The following EXD2 variants were observed in gnomAD, a reference collection of about 807,000 sequenced individuals.
EXD2 encodes exonuclease 3'-5' domain containing 2.
A neutral mutation model predicts 62.5 loss-of-function variants in EXD2; 40 were observed. That is an observed-to-expected ratio of 0.64 (90% CI 0.50 to 0.83). The LOEUF is 0.83. EXD2 is among the 40% of genes least tolerant of loss of function. The pLI is 0.00. For missense variants in EXD2, 671 were observed against 761.8 expected (o/e 0.88, Z 1.40); for synonymous variants, 239 against 291.9 (o/e 0.82, Z 1.85).
At chr14:69,230,429 C>T in intron 4 of EXD2, 43 bp from the exon 5 acceptor site, 1 of 1,443,222 alleles carries the variant, frequency 6.9e-7, no homozygotes, top group South Asian at 1.3e-5. Context: ...TTGTCCATGT[C>T]CTTTGCCCGT....
rs1366348606 is a variant in EXD2, at chr14:69,236,550, C to T, written c.1292+8C>T. On this transcript the variant is annotated splice_region_variant and intron_variant, in intron 8 of 9. Coordinates refer to ENST00000685843, the MANE Select transcript of EXD2 (RefSeq NM_001193360.2). ...GAGAGACTCCTACATTCGGTGAGTG[C>T]AGCATTGGGCCACCCTGGTTGTCTG... The T allele has an allele frequency of 9.3e-6, 15 of 1,614,000 alleles. No homozygotes were observed. Among genetic ancestry groups the T allele is most frequent in the Non-Finnish European group, 1.3e-5 (15 of 1,180,008 alleles).
At chr14:69,219,111 T>C (rs1488800530) in intron 3 of EXD2, among the ~76,000 whole-genome samples, 9 of 152,372 alleles carry the variant, frequency 5.9e-5, no homozygotes, top group African/African-American at 2.2e-4. Context: ...TATGGCCATT[T>C]TCACGATATT....
At chr14:69,216,619 A>T (rs2042995450) in intron 3 of EXD2, among the ~76,000 whole-genome samples, 1 of 152,008 alleles carries the variant, frequency 6.6e-6, no homozygotes, top group African/African-American at 2.4e-5. Context: ...TTTTAGAATC[A>T]ATTTTCAGGT....
intron 3 of EXD2, among the ~76,000 whole-genome samples, chr14:69,225,406 T>C (rs2043323862): frequency 1.3e-5 from 2 of 152,232 alleles, no homozygotes; most frequent in African/African-American, 4.8e-5. Context: ...AGGAGGACTC[T>C]AACCCATTGT....
At chr14:69,193,662 T>C (rs965610000) in intron 1 of EXD2, among the ~76,000 whole-genome samples, 7 of 152,262 alleles carry the variant, frequency 4.6e-5, no homozygotes, top group Non-Finnish European at 1.0e-4. Flanking sequence ...TTGTTGCTTG[T>C]CTTTTAACTA....
At chr14:69,218,818 A>C (rs562071265) in intron 3 of EXD2, among the ~76,000 whole-genome samples, 67 of 152,240 alleles carry the variant, frequency 4.4e-4, no homozygotes, top group African/African-American at 1.6e-3. Flanking sequence ...AGATGGTTGT[A>C]GATGTGTGGT....
chr14:69,220,793 C>T (rs1306276620), intron 3 of EXD2, among the ~76,000 whole-genome samples: 7 of 151,890 alleles, frequency 4.6e-5, no homozygotes, highest in East Asian at 3.9e-4. Flanking sequence ...CGCTTGAAAC[C>T]GGAAGGCAGA....
At chr14:69,235,998 A>C in intron 6 of EXD2, 48 bp from the exon 7 acceptor site, 1 of 1,410,190 alleles carries the variant, frequency 7.1e-7, no homozygotes, top group Non-Finnish European at 1.0e-6. Context: ...AGACATTTTG[A>C]CCCACAGTTA....
intron 3 of EXD2, among the ~76,000 whole-genome samples, chr14:69,216,229 G>A (rs1278572256): frequency 6.6e-6 from 1 of 152,118 alleles, no homozygotes; most frequent in Non-Finnish European, 1.5e-5. Context: ...TGATTGCTCT[G>A]CAATGCCACT....
Position 69,228,813 on chromosome 14 carries a change from C to T in EXD2, c.334-3C>T, listed in dbSNP as rs2043463643. The T allele has an allele frequency of 6.2e-7, 1 of 1,609,416 alleles. No homozygotes were observed. The highest frequency in any genetic ancestry group is 8.5e-7 in the Non-Finnish European group (1 of 1,177,816). On this transcript the variant is annotated splice_polypyrimidine_tract_variant and splice_region_variant and intron_variant, in intron 3 of 9. Coordinates refer to ENST00000685843, the MANE Select transcript of EXD2 (RefSeq NM_001193360.2). The stretch of plus-strand genomic sequence containing the variant: ...ACCACAACCTTGTCTTCCTCTGTTG[C>T]AGGTAAATTTGGAAGGCAAAGCCAG...
chr14:69,241,226 G>T lies in EXD2; in HGVS notation c.*126G>T. Reference sequence around the variant, plus strand: ...TGACACAACTCAGAATACTAACCTAGACTAATCCCAGGATGCTTCTGCTGG... The same window carrying T: ...TGACACAACTCAGAATACTAACCTATACTAATCCCAGGATGCTTCTGCTGG... On this transcript the variant is annotated 3_prime_UTR_variant, in exon 10 of 10. Coordinates refer to ENST00000685843, the MANE Select transcript of EXD2 (RefSeq NM_001193360.2). 1.4e-6 allele frequency: 1 copy of T among 724,656 alleles called. No homozygotes were observed. The highest frequency in any genetic ancestry group is 2.2e-6 in the Non-Finnish European group (1 of 449,476). 44.9% of individuals were successfully genotyped at this position (724,656 alleles called of 1,614,324 possible).
At chr14:69,218,457 A>G (rs2043058660) in intron 3 of EXD2, among the ~76,000 whole-genome samples, 1 of 151,860 alleles carries the variant, frequency 6.6e-6, no homozygotes, top group South Asian at 2.1e-4. Context: ...GATTGCAAAA[A>G]TTTTCTCCCA....
chr14:69,236,637 G>C, intron 8 of EXD2, 95 bp downstream of exon 8: 1 of 1,522,902 alleles, frequency 6.6e-7, no homozygotes, highest in Non-Finnish European at 9.0e-7. Flanking sequence ...GGCTGAGTCT[G>C]TCCACTTTGG....
At chr14:69,239,588 G>A (rs778248818) in intron 9 of EXD2, among the ~76,000 whole-genome samples, 3 of 152,102 alleles carry the variant, frequency 2.0e-5, no homozygotes, top group Non-Finnish European at 4.4e-5. Context: ...ATGACAACCC[G>A]ACAAAGTAGG....
intron 3 of EXD2, 77 bp from the exon 4 acceptor site, chr14:69,228,739 C>CT: frequency 2.6e-6 from 4 of 1,525,092 alleles, no homozygotes; most frequent in East Asian, 2.5e-5. Context: ...ACCTCTTAGA[C>CT]TTTTTTGTCA....
intron 2 of EXD2, among the ~76,000 whole-genome samples, chr14:69,207,364 T>C (rs1048658187): frequency 6.6e-6 from 1 of 152,008 alleles, no homozygotes; most frequent in Non-Finnish European, 1.5e-5. Flanking sequence ...TATGGTGGCA[T>C]ACCCCTGTAG....
intron 2 of EXD2, among the ~76,000 whole-genome samples, chr14:69,208,186 C>G (rs1210336959): frequency 1.3e-5 from 2 of 148,602 alleles, no homozygotes; most frequent in Non-Finnish European, 3.0e-5. Context: ...GCATGAGCCA[C>G]TGCACCTGGC....
intron 3 of EXD2, among the ~76,000 whole-genome samples, 192 bp from the exon 4 acceptor site, chr14:69,228,623 GT>G (rs1251866991): frequency 3.9e-5 from 6 of 152,162 alleles, no homozygotes; most frequent in Non-Finnish European, 8.8e-5. Flanking sequence ...GGTAACCTTT[GT>G]TTAGGTCACT....
At chr14:69,208,344 G>A (rs1030149559) in intron 2 of EXD2, among the ~76,000 whole-genome samples, 2 of 150,914 alleles carry the variant, frequency 1.3e-5, no homozygotes, top group African/African-American at 4.9e-5. Context: ...CCAAGTAGCT[G>A]CGGCAACAGG....
Sources: allele counts gnomAD v4.1 joint callset (sites outside exome capture counted in the v4.1 genomes callset), GRCh38; gene constraint gnomAD v4.1.1; transcripts MANE v1.5; gene names NCBI Gene and HGNC (gene_info 2026-07-23, HGNC 2026-07-21).